The following ROBO2 variants were observed in gnomAD, a reference collection of about 807,000 sequenced individuals.
The protein encoded by ROBO2 is roundabout guidance receptor 2.
In ROBO2, 53 loss-of-function variants were observed where a neutral mutation model predicts 160.8. The ratio of observed to expected loss-of-function variants is 0.33; its 90% CI spans 0.26 to 0.41. The LOEUF (loss-of-function observed/expected upper bound fraction) is 0.41. ROBO2 is among the 10% of genes least tolerant of loss of function. The probability of loss-of-function intolerance (pLI) is 1.00; values close to 1 mark genes in which losing one functional copy is unlikely to be tolerated. For missense variants in ROBO2, 1,577 were observed against 1,722.4 expected (o/e 0.92, Z 1.49); for synonymous variants, 664 against 611.7 (o/e 1.09, Z -1.26).
At chr3:76,481,020 T>G (rs1416437187) in intron 2 of ROBO2, among the ~76,000 whole-genome samples, 1 of 152,206 alleles carries the variant, frequency 6.6e-6, no homozygotes, top group East Asian at 1.9e-4. Flanking sequence ...CAATTCATTT[T>G]GTTCAGTGCT....
At chr3:77,300,971 C>A (rs189485562) in intron 2 of ROBO2, among the ~76,000 whole-genome samples, 74 of 151,950 alleles carry the variant, frequency 4.9e-4, no homozygotes, top group African/African-American at 1.7e-3. Flanking sequence ...TGGGTTCAAG[C>A]AATTCTCCTG....
chr3:76,085,519 A>G (rs1243516601), intron 2 of ROBO2, among the ~76,000 whole-genome samples: 1 of 152,164 alleles, frequency 6.6e-6, no homozygotes, highest in Non-Finnish European at 1.5e-5. Context: ...TTTTCATTAC[A>G]GCATGTAAAG....
intron 2 of ROBO2, among the ~76,000 whole-genome samples, chr3:77,198,225 T>C (rs1317716085): frequency 6.6e-6 from 1 of 152,172 alleles, no homozygotes; most frequent in Admixed American, 6.5e-5. Context: ...TAATGTCTAT[T>C]CATCATACAT....
intron 2 of ROBO2, among the ~76,000 whole-genome samples, chr3:76,614,394 G>A (rs987249926): frequency 2.6e-5 from 4 of 152,036 alleles, no homozygotes; most frequent in South Asian, 2.1e-4. Flanking sequence ...GAAATATAAC[G>A]AGAGAGCTTG....
intron 1 of ROBO2, among the ~76,000 whole-genome samples, chr3:77,057,977 C>G (rs548954055): frequency 6.6e-6 from 1 of 151,714 alleles, no homozygotes; most frequent in Non-Finnish European, 1.5e-5. Context: ...GTATCCAGAA[C>G]TTAAAGTAAA....
chr3:77,331,069 G>C (rs1179636160), intron 2 of ROBO2, among the ~76,000 whole-genome samples: 1 of 152,144 alleles, frequency 6.6e-6, no homozygotes, highest in African/African-American at 2.4e-5. Context: ...GCGAAGAAAA[G>C]AGCCCTGAGG....
intron 6 of ROBO2, chr3:77,538,739 A>G (rs1172111367): frequency 3.2e-6 from 1 of 309,208 alleles, no homozygotes; most frequent in African/African-American, 2.2e-5. Context: ...AAAATTAAAT[A>G]AGTTGAAGAA....
intron 2 of ROBO2, among the ~76,000 whole-genome samples, chr3:77,459,933 G>C (rs1582130572): frequency 7.1e-6 from 1 of 141,814 alleles, no homozygotes; most frequent in African/African-American, 2.5e-5. Flanking sequence ...AAATGTGATG[G>C]GGGTGGTGGA....
chr3:76,010,679 T>C (rs148295553), intron 2 of ROBO2, among the ~76,000 whole-genome samples: 82 of 152,344 alleles, frequency 5.4e-4, no homozygotes, highest in South Asian at 3.1e-3. Flanking sequence ...AATTAAGAAA[T>C]GTAGTTTAAA....
At chr3:76,307,640 C>T (rs1386925769) in intron 2 of ROBO2, among the ~76,000 whole-genome samples, 1 of 151,864 alleles carries the variant, frequency 6.6e-6, no homozygotes, top group Admixed American at 6.6e-5. Flanking sequence ...TTGCTTAAGC[C>T]CTTTCCAGTT....
chr3:76,328,794 C>G (rs577003996), intron 2 of ROBO2, among the ~76,000 whole-genome samples: 121 of 151,770 alleles, frequency 8.0e-4, no homozygotes, highest in African/African-American at 1.5e-3. Flanking sequence ...GGGAGGCGGA[C>G]CTTGCAGTGA....
At chr3:76,062,094 C>A (rs2068086945) in intron 2 of ROBO2, among the ~76,000 whole-genome samples, 1 of 152,100 alleles carries the variant, frequency 6.6e-6, no homozygotes, top group Non-Finnish European at 1.5e-5. Flanking sequence ...CCTTAACTTT[C>A]CCTGTGCTAT....
chr3:76,971,802 C>T (rs1263023090), intron 2 of ROBO2, among the ~76,000 whole-genome samples: 1 of 152,142 alleles, frequency 6.6e-6, no homozygotes, highest in Non-Finnish European at 1.5e-5. Flanking sequence ...AGAACCTATT[C>T]ACTTGATTCA....
At chr3:76,620,319 G>C (rs932649988) in intron 2 of ROBO2, among the ~76,000 whole-genome samples, 2 of 152,122 alleles carry the variant, frequency 1.3e-5, no homozygotes, top group African/African-American at 4.8e-5. Flanking sequence ...AAATTTTACA[G>C]TTCTCAGATG....
intron 2 of ROBO2, among the ~76,000 whole-genome samples, chr3:77,009,470 A>T (rs551006309): frequency 5.3e-5 from 8 of 152,292 alleles, no homozygotes; most frequent in African/African-American, 1.7e-4. Context: ...TTTCTTCTCC[A>T]CATAAGAATT....
intron 2 of ROBO2, among the ~76,000 whole-genome samples, chr3:75,959,342 T>G (rs1948827213): frequency 6.6e-6 from 1 of 151,740 alleles, no homozygotes; most frequent in Non-Finnish European, 1.5e-5. Context: ...AACTATAATT[T>G]CAAATACATG....
At chr3:75,942,907 A>G (rs1948120010) in intron 2 of ROBO2, among the ~76,000 whole-genome samples, 1 of 152,180 alleles carries the variant, frequency 6.6e-6, no homozygotes, top group South Asian at 2.1e-4. Context: ...TTTTCTTAAA[A>G]GTAGTTAGCA....
At chr3:76,840,657 A>G (rs1357344433) in intron 2 of ROBO2, among the ~76,000 whole-genome samples, 1 of 104,102 alleles carries the variant, frequency 9.6e-6, no homozygotes, top group Non-Finnish European at 1.9e-5. Context: ...ATATATATAT[A>G]TATATATATA....
intron 2 of ROBO2, among the ~76,000 whole-genome samples, chr3:76,605,385 T>A (rs896049379): frequency 9.1e-5 from 12 of 132,240 alleles, no homozygotes; most frequent in African/African-American, 2.4e-4. Context: ...CAACTGTATT[T>A]TAAAAAAAAA....
Sources: gnomAD v4.1 joint callset for allele counts (sites outside exome capture counted in the v4.1 genomes callset) on GRCh38, gnomAD v4.1.1 for gene constraint, MANE v1.5 for transcripts, NCBI Gene and HGNC (gene_info 2026-07-23, HGNC 2026-07-21) for gene names.